ZNF341: variants seen among roughly 807,000 people sequenced by gnomAD.
The protein encoded by ZNF341 is zinc finger protein 341.
Under a neutral mutation model 87.7 loss-of-function variants are expected in ZNF341, and 52 were observed. That is an observed-to-expected ratio of 0.59 (90% CI 0.47 to 0.75). The LOEUF (loss-of-function observed/expected upper bound fraction) is 0.75. Among genes scored for constraint, ZNF341 ranks in the 30% least tolerant of loss-of-function variants. ZNF341 has a pLI of 0.00. For synonymous variants in ZNF341, 459 were observed against 472.7 expected (o/e 0.97, Z 0.38); for missense variants, 977 against 1,145.9 (o/e 0.85, Z 2.13).
In ZNF341 at chr20:33,732,142, C is replaced by A. The variant is rs958356425; in HGVS notation, c.31+90C>A. 6.0e-5 allele frequency: 59 copies of A among 978,400 alleles called. No individual in the cohort carries two copies. Among genetic ancestry groups the A allele is most frequent in the Non-Finnish European group, 7.1e-5 (58 of 819,418 alleles). 60.6% of individuals were successfully genotyped at this position (978,400 alleles called of 1,614,324 possible). The stretch of plus-strand genomic sequence containing the variant: ...GCAGCGCCCGGCCTAGGGCGCGCAG[C>A]GGCCGCGGGGCGGAGGGCGCCGGGG... On this transcript the variant is annotated intron_variant, in intron 1 of 14. Coordinates refer to ENST00000375200, the MANE Select transcript of ZNF341 (RefSeq NM_001282933.2). The surrounding 1 kb of genome is among the most constrained non-coding windows in gnomAD (Gnocchi z 4.5).
At chr20:33,764,229 G>C (rs1023386543) in intron 8 of ZNF341, among the ~76,000 whole-genome samples, 1 of 149,892 alleles carries the variant, frequency 6.7e-6, no homozygotes, top group African/African-American at 2.4e-5. Flanking sequence ...GTGTTTCACT[G>C]TGTTAGCCAG....
intron 6 of ZNF341, 62 bp downstream of exon 6, chr20:33,757,405 G>A (rs960592748): frequency 2.2e-6 from 3 of 1,347,758 alleles, no homozygotes; most frequent in African/African-American, 3.0e-5. Flanking sequence ...AAGCTACTTG[G>A]TTCTGGTCTT....
At chr20:33,761,791 G>T (rs1019384262) in intron 7 of ZNF341, 71 bp from the exon 8 acceptor site, 33 of 1,305,540 alleles carry the variant, frequency 2.5e-5, no homozygotes, top group Admixed American at 1.8e-4. Context: ...CTTCCTTGTG[G>T]CTGTGAGCTC....
chr20:33,763,159 CTATGTT>C (rs1288757800), intron 8 of ZNF341, among the ~76,000 whole-genome samples: 1 of 152,052 alleles, frequency 6.6e-6, no homozygotes, highest in East Asian at 1.9e-4. Context: ...ATTACCTTTT[CTATGTT>C]TAAGTTACAT....
Position 33,791,400 on chromosome 20 carries a change from G to C in ZNF341, c.2448G>C (p.Val816=), listed in dbSNP as rs1319982331. Residue 816 remains valine (V), a synonymous_variant, in exon 15 of 15, where the codon GTG becomes GTC. Coordinates refer to ENST00000375200, the MANE Select transcript of ZNF341 (RefSeq NM_001282933.2). ...CGGTGGGCGCGGAAACTGAGCTGGT[G>C]GTACCTGGACACGCTGAGGGGCTGG... ...GGAVGAETEL[V]VPGHAEGLGS... The C allele has an allele frequency of 3.1e-6, 5 of 1,612,424 alleles. No individual in the cohort carries two copies. The African/African-American group carries it at 6.7e-5, about 22-fold the overall frequency.
rs1286199605 is a variant in ZNF341 at position 33,791,615 on chromosome 20, C to T, written c.*98C>T. On this transcript the variant is annotated 3_prime_UTR_variant, in exon 15 of 15. Transcript: ENST00000375200. ...GGTGATCCTTACCAGTGGAAGCGAG[C>T]CATCGAGCCATTGGCAGAAATCCTG... is the stretch of plus-strand genomic sequence containing the variant. The T allele has an allele frequency of 2.3e-6, 3 of 1,310,706 alleles. No homozygotes were observed. Among genetic ancestry groups the T allele is most frequent in the African/African-American group, 1.5e-5 (1 of 67,384 alleles). 81.2% of individuals were successfully genotyped at this position (1,310,706 alleles called of 1,614,324 possible). A position where few individuals can be genotyped will look rare whatever the true frequency, so the allele number is the denominator to read the frequency against.
intron 14 of ZNF341, among the ~76,000 whole-genome samples, chr20:33,789,791 A>C (rs2019959524): frequency 6.6e-6 from 1 of 152,208 alleles, no homozygotes. Flanking sequence ...AATCAGACAC[A>C]GTCCCCCAGT....
In ZNF341 at chr20:33,748,949, G is replaced by T. The variant is rs75946243; in HGVS notation, c.366G>T (p.Pro122=). The T allele has an allele frequency of 1.9e-6, 3 of 1,613,754 alleles. No homozygotes were observed. In the South Asian group the frequency reaches 3.3e-5, roughly 18 times the overall value. The part of the protein sequence containing the change: ...RQISTYITVP[P]SPLIQTLVQG... ...TCTCCACATACATCACAGTGCCCCC[G>T]TCCCCACTGATCCAGACCCTGGTGC... The change falls in exon 4 of 15, where the codon CCG becomes CCT. Residue 122 remains proline (P), a synonymous_variant. Coordinates refer to ENST00000375200, the MANE Select transcript of ZNF341 (RefSeq NM_001282933.2).
chr20:33,781,111 C>A (rs1477517508), intron 10 of ZNF341, among the ~76,000 whole-genome samples, 180 bp from the exon 11 acceptor site: 1 of 152,112 alleles, frequency 6.6e-6, no homozygotes, highest in African/African-American at 2.4e-5. Flanking sequence ...CTGCACAAGT[C>A]CGAACAAGAG....
intron 10 of ZNF341, among the ~76,000 whole-genome samples, chr20:33,772,492 G>A (rs1412944626): frequency 1.3e-5 from 2 of 152,154 alleles, no homozygotes; most frequent in African/African-American, 4.8e-5. Context: ...AGGGTGACTG[G>A]TGTGTAAACA....
chr20:33,776,709 G>A (rs986621641), intron 10 of ZNF341, among the ~76,000 whole-genome samples: 1 of 151,996 alleles, frequency 6.6e-6, no homozygotes, highest in Admixed American at 6.6e-5. Flanking sequence ...TAGAGACAGA[G>A]TCTCACTGTG....
intron 10 of ZNF341, among the ~76,000 whole-genome samples, chr20:33,772,024 A>AAAAAAAAAAAAAAAC: frequency 6.7e-6 from 1 of 149,772 alleles, no homozygotes; most frequent in Admixed American, 6.7e-5. Flanking sequence ...AAAAAAAAAA[A>AAAAAAAAAAAAAAAC]AAAAAAAAAA....
chr20:33,743,171 A>G (rs1466518126), intron 2 of ZNF341, among the ~76,000 whole-genome samples: 2 of 151,382 alleles, frequency 1.3e-5, no homozygotes, highest in African/African-American at 4.9e-5. Flanking sequence ...AGCTGGGACT[A>G]CAGGCACCTG....
chr20:33,754,136 A>G (rs2019121975), intron 5 of ZNF341, among the ~76,000 whole-genome samples: 1 of 152,208 alleles, frequency 6.6e-6, no homozygotes, highest in African/African-American at 2.4e-5. Flanking sequence ...AGCAGATCAC[A>G]AGTCCAGCTT....
At chr20:33,782,411 C>T (rs541578895) in intron 11 of ZNF341, among the ~76,000 whole-genome samples, 2 of 152,328 alleles carry the variant, frequency 1.3e-5, no homozygotes, top group South Asian at 2.1e-4. Flanking sequence ...GATTACGTCT[C>T]CCTGGTGTGT....
chr20:33,789,656 GA>G, intron 14 of ZNF341, 68 bp downstream of exon 14: 1 of 1,536,996 alleles, frequency 6.5e-7, no homozygotes, highest in South Asian at 1.1e-5. Context: ...GACCCGCCAG[GA>G]AGAGAAAGAG....
chr20:33,734,332 G>A (rs2018636352), intron 1 of ZNF341, among the ~76,000 whole-genome samples: 1 of 152,172 alleles, frequency 6.6e-6, no homozygotes, highest in African/African-American at 2.4e-5. Context: ...TTTCAGCAGG[G>A]GAGCAGCACA....
intron 5 of ZNF341, among the ~76,000 whole-genome samples, chr20:33,753,914 C>T (rs368101607): frequency 2.6e-5 from 4 of 152,102 alleles, no homozygotes; most frequent in Non-Finnish European, 5.9e-5. Flanking sequence ...CTTGGCTGGG[C>T]TCACTCATAT....
chr20:33,744,556 TG>T lies in ZNF341; in HGVS notation c.143-545del, dbSNP rs1423137794. 3.3e-5 allele frequency among the ~76,000 whole-genome samples: 5 copies of T among 151,752 alleles called. No individual in the cohort carries two copies. The East Asian group carries it at 9.8e-4, about 30-fold the overall frequency. On this transcript the variant is annotated intron_variant, in intron 2 of 14. Transcript: ENST00000375200. ...TTTTGATTTCTAATTAATTGGTACCTGGCCACATATGGCTATCCCTGCAGGA... is the reference window on the plus strand; with the variant it reads ...TTTTGATTTCTAATTAATTGGTACCTGCCACATATGGCTATCCCTGCAGGA...
Sources: gnomAD v4.1 joint callset for allele counts (sites outside exome capture counted in the v4.1 genomes callset) on GRCh38, gnomAD v4.1.1 for gene constraint, Gnocchi (gnomAD v3.1) non-coding constraint, MANE v1.5 for transcripts, NCBI Gene and HGNC (gene_info 2026-07-23, HGNC 2026-07-21) for gene names.